The following NARF variants were observed in gnomAD, a reference collection of about 807,000 sequenced individuals.
The protein encoded by NARF is iron-only hydrogenase-like protein 2.
Under a neutral mutation model 48.0 loss-of-function variants are expected in NARF, and 41 were observed. That is an observed-to-expected ratio of 0.85 (90% CI 0.66 to 1.11). The LOEUF (loss-of-function observed/expected upper bound fraction) is 1.11, where lower values mean the gene tolerates loss of function less well. NARF is among the 50% of genes least tolerant of loss of function. The pLI is 0.00. For missense variants in NARF, 613 were observed against 590.2 expected (o/e 1.04, Z -0.40); for synonymous variants, 215 against 225.5 (o/e 0.95, Z 0.42).
intron 10 of NARF, 23 bp downstream of exon 10, chr17:82,485,677 T>C (rs2044081316): frequency 1.9e-6 from 3 of 1,612,670 alleles, no homozygotes; most frequent in South Asian, 2.2e-5. Context: ...GAGCAGCACC[T>C]GGCTCTGTCT....
intron 7 of NARF, among the ~76,000 whole-genome samples, chr17:82,481,594 G>A (rs56075298): frequency 0.044 from 6,632 of 152,182 alleles, 532 homozygotes; most frequent in African/African-American, 0.15. Context: ...GCCGGGCATG[G>A]TGGCACATGC....
chr17:82,480,313 T>A (rs1206548806), intron 6 of NARF: 23 of 382,200 alleles, frequency 6.0e-5, no homozygotes, highest in South Asian at 1.4e-4. Flanking sequence ...ACACACACAC[T>A]CACTCAGGCC....
At chr17:82,471,232 G>C (rs1329847883) in intron 4 of NARF, among the ~76,000 whole-genome samples, 2 of 151,344 alleles carry the variant, frequency 1.3e-5, no homozygotes, top group Non-Finnish European at 2.9e-5. Flanking sequence ...GAGGTGGGCG[G>C]ATCACGAGGT....
At chr17:82,470,324 T>G (rs1456015644) in intron 4 of NARF, among the ~76,000 whole-genome samples, 1 of 152,012 alleles carries the variant, frequency 6.6e-6, no homozygotes, top group Non-Finnish European at 1.5e-5. Flanking sequence ...AAGCCTCGGG[T>G]TAGGTTAGTT....
chr17:82,486,418 C>G (rs1007693962), intron 10 of NARF, among the ~76,000 whole-genome samples: 5 of 152,098 alleles, frequency 3.3e-5, no homozygotes, highest in Admixed American at 3.3e-4. Context: ...TGATGTTAGA[C>G]AAGTGGGACA....
intron 3 of NARF, among the ~76,000 whole-genome samples, chr17:82,467,299 G>A (rs937018503): frequency 3.9e-5 from 6 of 151,920 alleles, no homozygotes; most frequent in African/African-American, 1.2e-4. Flanking sequence ...CACCAGCCCC[G>A]GCCTCCCAAA....
intron 9 of NARF, 87 bp from the exon 10 acceptor site, chr17:82,485,410 G>C (rs1049247336): frequency 1.4e-6 from 2 of 1,459,204 alleles, no homozygotes; most frequent in Non-Finnish European, 1.9e-6. Context: ...AACAGAGCAA[G>C]ACTCCGTCTC....
intron 1 of NARF, chr17:82,459,067 C>G: frequency 8.3e-7 from 1 of 1,200,606 alleles, no homozygotes; most frequent in Non-Finnish European, 1.0e-6. Context: ...TTCCCACGCC[C>G]GCGAAGCGCG....
intron 7 of NARF, chr17:82,482,197 C>A: frequency 2.5e-6 from 1 of 395,038 alleles, no homozygotes; most frequent in Non-Finnish European, 4.9e-6. Context: ...GAGAGGTCAG[C>A]TCTCAGGGAC....
rs756254472 is a variant in NARF at position 82,487,945 on chromosome 17, A to G, written c.1159A>G (p.Thr387Ala). Reference sequence around the variant, plus strand: ...CTTAAATGGCAGAGGCCAAGCCCAGACTCCAGACGGACATGCGGATAAGGC... The same window carrying G: ...CTTAAATGGCAGAGGCCAAGCCCAGGCTCCAGACGGACATGCGGATAAGGC... Reference protein sequence around the residue: ...GCLNGRGQAQTPDGHADKALL... With the variant: ...GCLNGRGQAQAPDGHADKALL... The change falls in exon 11 of 11, where the codon ACT (threonine) becomes GCT (alanine). Residue 387 changes from threonine to alanine, a missense_variant. Physicochemically the swap from Thr to Ala is moderately conservative, Grantham distance 58. Transcript: ENST00000309794. 2 of 1,614,114 alleles carry G rather than the reference A, an allele frequency of 1.2e-6. No homozygotes were observed. Among genetic ancestry groups the G allele is most frequent in the Admixed American group, 3.3e-5 (2 of 60,014 alleles).
chr17:82,485,326 C>T (rs1287446510), intron 9 of NARF, among the ~76,000 whole-genome samples, 171 bp from the exon 10 acceptor site: 1 of 151,820 alleles, frequency 6.6e-6, no homozygotes, highest in African/African-American at 2.4e-5. Flanking sequence ...GAAGCTGAGG[C>T]AGGAGAATGG....
intron 8 of NARF, chr17:82,484,603 T>G: frequency 2.1e-6 from 1 of 481,902 alleles, no homozygotes; most frequent in South Asian, 3.7e-5. Context: ...TGACTGAGAG[T>G]CCTCCGCCTT....
At chr17:82,469,147 G>C (rs1324788103) in intron 4 of NARF, among the ~76,000 whole-genome samples, 1 of 152,114 alleles carries the variant, frequency 6.6e-6, no homozygotes. Context: ...ACCCCTCTGG[G>C]ACCAAACAGT....
At chr17:82,470,067 G>A (rs2043662337) in intron 4 of NARF, among the ~76,000 whole-genome samples, 1 of 152,158 alleles carries the variant, frequency 6.6e-6, no homozygotes, top group Non-Finnish European at 1.5e-5. Context: ...TCCTATCTCT[G>A]CTAAATAAGT....
chr17:82,472,704 C>A lies in NARF; in HGVS notation c.520+6C>A. 1 of 1,609,380 alleles carries A rather than the reference C, an allele frequency of 6.2e-7. No homozygotes were observed. Among genetic ancestry groups the A allele is most frequent in the Non-Finnish European group, 8.5e-7 (1 of 1,178,474 alleles). ...GCTGACCTCTGCCTGTCCTGGTGAG[C>A]CCCTGGACCCCCGCTCTGTTGGCCT... On this transcript the variant is annotated splice_donor_region_variant and intron_variant, in intron 5 of 10. Transcript: ENST00000309794.
At position 82,488,120 on chromosome 17, in the gene NARF, A is replaced by G. The variant is rs2044139790; in HGVS notation, c.1334A>G (p.Gln445Arg). 6.2e-7 allele frequency: 1 copy of G among 1,613,962 alleles called. No homozygotes were observed. Among genetic ancestry groups the G allele is most frequent in the South Asian group, 1.1e-5 (1 of 91,088 alleles). Reference protein sequence around the residue: ...REVLHTTYQSQERGTHSLDIK... With the variant: ...REVLHTTYQSRERGTHSLDIK... ...GTGCTGCATACCACGTACCAGAGCC[A>G]GGAGCGTGGCACACACAGCCTGGAC... Residue 445 changes from glutamine (Q) to arginine (R), a missense_variant, in exon 11 of 11, where the codon CAG becomes CGG. Gln to Arg is a conservative substitution (Grantham distance 43, BLOSUM62 1). Coordinates refer to ENST00000309794, the MANE Select transcript of NARF (RefSeq NM_012336.4).
intron 5 of NARF, among the ~76,000 whole-genome samples, chr17:82,473,443 C>A (rs1415471787): frequency 6.6e-6 from 1 of 151,948 alleles, no homozygotes; most frequent in Non-Finnish European, 1.5e-5. Context: ...CTCTGTCACC[C>A]AGACTGGAGT....
Position 82,487,979 on chromosome 17 carries a change from G to C in NARF, c.1193G>C (p.Arg398Pro), listed in dbSNP as rs768303430. Residue 398 changes from arginine (R) to proline (P), a missense_variant, in exon 11 of 11, where the codon CGG (arginine) becomes CCG (proline). Coordinates refer to ENST00000309794, the MANE Select transcript of NARF (RefSeq NM_012336.4). ...GGACATGCGGATAAGGCCCTGCTGCGGCAGATGGAAGGCATTTACGCTGAC... is the reference window on the plus strand; with the variant it reads ...GGACATGCGGATAAGGCCCTGCTGCCGCAGATGGAAGGCATTTACGCTGAC... ...PDGHADKALLRQMEGIYADIP... is the reference protein window; with the variant it reads ...PDGHADKALLPQMEGIYADIP... 2.8e-5 allele frequency: 46 copies of C among 1,614,078 alleles called. No individual in the cohort carries two copies. The highest frequency in any genetic ancestry group is 3.5e-5 in the Non-Finnish European group (41 of 1,180,056).
chr17:82,488,061 G>T lies in NARF; in HGVS notation c.1275G>T (p.Trp425Cys). The stretch of plus-strand genomic sequence containing the variant: ...ACGTGCAGGAGCTGTACCAGGAGTG[G>T]CTGGAGGGGATCAACTCCCCCAAGG... Reference protein sequence around the residue: ...SAHVQELYQEWLEGINSPKAR... With the variant: ...SAHVQELYQECLEGINSPKAR... The change falls in exon 11 of 11, where the codon TGG becomes TGT. Residue 425 changes from tryptophan to cysteine, a missense_variant. Transcript: ENST00000309794. 6.2e-7 allele frequency: 1 copy of T among 1,614,092 alleles called. No homozygotes were observed. Among genetic ancestry groups the T allele is most frequent in the Non-Finnish European group, 8.5e-7 (1 of 1,180,026 alleles).
Sources: gnomAD v4.1 joint callset for allele counts (sites outside exome capture counted in the v4.1 genomes callset) on GRCh38, gnomAD v4.1.1 for gene constraint, MANE v1.5 for transcripts, NCBI Gene and HGNC (gene_info 2026-07-23, HGNC 2026-07-21) for gene names.